The following NBAS variants were observed in gnomAD, a reference collection of about 807,000 sequenced individuals.
NBAS encodes the protein NAG/BC035112 fusion.
A neutral mutation model predicts 302.5 loss-of-function variants in NBAS; 219 were observed. That is an observed-to-expected ratio of 0.72 (90% CI 0.65 to 0.81). NBAS has a LOEUF of 0.81. Ranked by LOEUF, NBAS falls within the 30% of genes least tolerant of loss-of-function variation. The pLI, the probability that NBAS is intolerant of heterozygous loss-of-function variation, is 0.00. For synonymous variants in NBAS, 1,118 were observed against 1,021.6 expected, an observed-to-expected ratio of 1.09 and a Z score of -1.80; for missense variants, 2,932 against 2,841.6, an observed-to-expected ratio of 1.03 and a Z score of -0.72.
intron 21 of NBAS, among the ~76,000 whole-genome samples, chr2:15,430,407 C>T (rs1195984405): frequency 6.6e-6 from 1 of 152,104 alleles, no homozygotes; most frequent in East Asian, 1.9e-4. Flanking sequence ...ATTACTATTA[C>T]TACTACTACT....
chr2:14,845,391 A>T, the NBAS span, among the ~76,000 whole-genome samples: 103 of 152,278 alleles, frequency 6.8e-4, no homozygotes, highest in African/African-American at 2.4e-3. Flanking sequence ...ATATCACAAC[A>T]CCCAAGTTCT....
intron 38 of NBAS, among the ~76,000 whole-genome samples, chr2:15,311,208 G>A (rs1025197787): frequency 6.6e-6 from 1 of 152,236 alleles, no homozygotes; most frequent in Admixed American, 6.5e-5. Flanking sequence ...CATATTAAGT[G>A]AGATAAGCAG....
chr2:15,531,862 T>C (rs962730836), intron 9 of NBAS, among the ~76,000 whole-genome samples: 11 of 152,206 alleles, frequency 7.2e-5, no homozygotes, highest in African/African-American at 2.7e-4. Context: ...GGCCACCATA[T>C]TTCAAACTAG....
At chr2:15,436,157 A>G (rs752632944) in intron 21 of NBAS, among the ~76,000 whole-genome samples, 3 of 152,196 alleles carry the variant, frequency 2.0e-5, no homozygotes, top group Non-Finnish European at 2.9e-5. Context: ...AAAAACTCTT[A>G]AGAACTAGAA....
At chr2:15,169,130 A>C (rs1253090130) in intron 51 of NBAS, among the ~76,000 whole-genome samples, 1 of 152,178 alleles carries the variant, frequency 6.6e-6, no homozygotes, top group Non-Finnish European at 1.5e-5. Context: ...AGAGAGACTG[A>C]ATAGAACTAG....
chr2:15,392,887 A>C (rs1364584253), intron 28 of NBAS, among the ~76,000 whole-genome samples: 1 of 152,056 alleles, frequency 6.6e-6, no homozygotes, highest in Admixed American at 6.6e-5. Flanking sequence ...CTGCATAATT[A>C]ACACAGCATG....
Position 15,463,788 on chromosome 2 carries a change from C to CAA in NBAS, c.2098-1999_2098-1998dup, listed in dbSNP as rs55808465. The stretch of plus-strand genomic sequence containing the variant: ...AATCCTCATTCAAATGAACCAAATG[C>CAA]AAAAAAAAAAAAAAAAAGCACCAGG... On this transcript the variant is annotated intron_variant, in intron 19 of 51. Transcript: ENST00000281513. Among the ~76,000 whole-genome samples, 23 of 91,640 alleles carry CAA rather than the reference C, an allele frequency of 2.5e-4. 4 individuals are homozygous for CAA. The highest frequency in any genetic ancestry group is 6.1e-4 in the African/African-American group (14 of 23,028). 60.1% of individuals were successfully genotyped at this position (91,640 alleles called of 152,430 possible).
intron 21 of NBAS, among the ~76,000 whole-genome samples, chr2:15,456,780 G>T (rs372162304): frequency 6.6e-6 from 1 of 152,090 alleles, no homozygotes; most frequent in East Asian, 1.9e-4. Context: ...TAAATGCTAG[G>T]AAGAAAATAA....
At chr2:15,146,216 G>A in the NBAS span, among the ~76,000 whole-genome samples, 1 of 152,088 alleles carries the variant, frequency 6.6e-6, no homozygotes, top group Non-Finnish European at 1.5e-5. Context: ...GCAGTGAGAT[G>A]ATAGTGGTCC....
At chr2:15,527,652 A>G (rs1303478250) in intron 9 of NBAS, among the ~76,000 whole-genome samples, 1 of 152,174 alleles carries the variant, frequency 6.6e-6, no homozygotes, top group Non-Finnish European at 1.5e-5. Context: ...TAAAGCCCTC[A>G]TGTCTTAATG....
At chr2:15,461,465 G>C in intron 20 of NBAS, 128 bp from the exon 21 acceptor site, 1 of 995,884 alleles carries the variant, frequency 1.0e-6, no homozygotes, top group South Asian at 1.4e-5. Context: ...AATGACCCTA[G>C]TTTTTCCTAG....
intron 16 of NBAS, among the ~76,000 whole-genome samples, chr2:15,472,084 T>C (rs1234110976): frequency 6.6e-6 from 1 of 152,176 alleles, no homozygotes; most frequent in Non-Finnish European, 1.5e-5. Flanking sequence ...TCATATATGT[T>C]ACCTATTTAT....
At chr2:14,920,027 G>C in the NBAS span, among the ~76,000 whole-genome samples, 1 of 152,088 alleles carries the variant, frequency 6.6e-6, no homozygotes, top group Non-Finnish European at 1.5e-5. Flanking sequence ...AATTTACTTT[G>C]CCAAGGCCCA....
intron 38 of NBAS, among the ~76,000 whole-genome samples, chr2:15,312,224 T>C (rs527993986): frequency 6.6e-6 from 1 of 152,196 alleles, no homozygotes; most frequent in Non-Finnish European, 1.5e-5. Context: ...CTTCACTATC[T>C]CTTAATCCCA....
intron 21 of NBAS, among the ~76,000 whole-genome samples, chr2:15,440,027 C>T (rs1572853295): frequency 6.6e-6 from 1 of 152,252 alleles, no homozygotes; most frequent in Non-Finnish European, 1.5e-5. Context: ...GCGGAGCCCA[C>T]CACAGCTCAA....
the NBAS span, among the ~76,000 whole-genome samples, chr2:15,096,452 C>A: frequency 1.3e-5 from 2 of 152,164 alleles, no homozygotes; most frequent in Non-Finnish European, 2.9e-5. Flanking sequence ...GCTTTCTATG[C>A]AAAACAAATT....
At chr2:14,952,277 A>G in the NBAS span, among the ~76,000 whole-genome samples, 1 of 152,238 alleles carries the variant, frequency 6.6e-6, no homozygotes, top group African/African-American at 2.4e-5. Flanking sequence ...TGAAGTCAGG[A>G]GAGAGGCTGT....
chr2:15,112,608 T>A, the NBAS span, among the ~76,000 whole-genome samples: 2 of 151,974 alleles, frequency 1.3e-5, no homozygotes, highest in Non-Finnish European at 2.9e-5. Flanking sequence ...TAACCAGGCA[T>A]GCTTTGGCAA....
intron 21 of NBAS, among the ~76,000 whole-genome samples, chr2:15,460,608 C>G (rs1679462443): frequency 6.6e-6 from 1 of 152,200 alleles, no homozygotes; most frequent in Non-Finnish European, 1.5e-5. Context: ...AACAGATGTT[C>G]TGGCCTCTGG....
Sources: gnomAD v4.1 joint callset for allele counts (sites outside exome capture counted in the v4.1 genomes callset) on GRCh38, gnomAD v4.1.1 for gene constraint, MANE v1.5 for transcripts, NCBI Gene and HGNC (gene_info 2026-07-23, HGNC 2026-07-21) for gene names.